Variants in ABI3BP observed in about 807,000 individuals in gnomAD.
ABI3BP encodes ABI family member 3 binding protein.
ABI3BP carries 216 observed loss-of-function variants against 268.6 expected under a neutral mutation model. That is an observed-to-expected ratio of 0.80 (90% confidence interval 0.72 to 0.90). The LOEUF is 0.90. Among genes scored for constraint, ABI3BP ranks in the 40% least tolerant of loss-of-function variants. The pLI is 0.00. For synonymous variants in ABI3BP, 730 were observed against 730.0 expected, an observed-to-expected ratio of 1.00 and a Z score of 0.00; for missense variants, 2,090 against 2,182.4, an observed-to-expected ratio of 0.96 and a Z score of 0.84.
At position 100,824,431 on chromosome 3, in the gene ABI3BP, C is replaced by G. The variant is rs186664207; in HGVS notation, c.2746+427G>C. 2.6e-5 allele frequency among the ~76,000 whole-genome samples: 4 copies of G among 152,254 alleles called. No individual in the cohort carries two copies. The East Asian group carries it at 7.7e-4, about 29-fold the overall frequency. On this transcript the variant is annotated intron_variant, in intron 36 of 67. Coordinates refer to ENST00000471714, the MANE Select transcript of ABI3BP (RefSeq NM_001375547.2). Reference sequence around the variant, plus strand: ...TTATATTTGTGTCAGGCAAACATATCTTCAACTCCACGCTTTCTGCAGTAA... The same window carrying G: ...TTATATTTGTGTCAGGCAAACATATGTTCAACTCCACGCTTTCTGCAGTAA...
At chr3:100,807,032 C>T (rs2152435636) in intron 50 of ABI3BP, among the ~76,000 whole-genome samples, 1 of 152,026 alleles carries the variant, frequency 6.6e-6, no homozygotes, top group East Asian at 1.9e-4. Flanking sequence ...GCCCAAGTCT[C>T]TTAATTTTTA....
chr3:100,922,553 T>TGGTGATGGC (rs1561687065), intron 2 of ABI3BP, among the ~76,000 whole-genome samples: 1 of 146,074 alleles, frequency 6.8e-6, no homozygotes, highest in East Asian at 2.0e-4. Flanking sequence ...ATGGTGATGG[T>TGGTGATGGC]GATGGCGATG....
chr3:100,972,068 C>A (rs943398337), intron 1 of ABI3BP, among the ~76,000 whole-genome samples: 5 of 152,106 alleles, frequency 3.3e-5, no homozygotes, highest in African/African-American at 1.2e-4. Context: ...GAACACATAT[C>A]TGCCACCTGG....
chr3:100,860,401 A>G (rs566550808), intron 14 of ABI3BP, among the ~76,000 whole-genome samples: 6 of 152,314 alleles, frequency 3.9e-5, no homozygotes, highest in African/African-American at 1.2e-4. Flanking sequence ...CTGGCGACCT[A>G]AGGTTGCCCT....
chr3:100,783,315 T>G (rs1458792667), intron 57 of ABI3BP, among the ~76,000 whole-genome samples: 2 of 152,154 alleles, frequency 1.3e-5, no homozygotes, highest in Admixed American at 1.3e-4. Context: ...AGCACACTCA[T>G]GTGGGGGCAG....
intron 46 of ABI3BP, among the ~76,000 whole-genome samples, chr3:100,812,098 G>A (rs1043638811): frequency 2.7e-5 from 4 of 149,680 alleles, no homozygotes; most frequent in African/African-American, 9.8e-5. Context: ...TTTTTTTTTC[G>A]TATAAGAATT....
intron 1 of ABI3BP, among the ~76,000 whole-genome samples, chr3:100,932,756 A>G (rs1051248626): frequency 1.3e-5 from 2 of 152,184 alleles, no homozygotes; most frequent in Admixed American, 6.6e-5. Context: ...GTGGGAATGT[A>G]AATTAGTTCA....
chr3:100,912,114 G>A, intron 2 of ABI3BP: 1 of 574,732 alleles, frequency 1.7e-6, no homozygotes, highest in Non-Finnish European at 3.2e-6. Flanking sequence ...CCCAGACAGT[G>A]CTGGGGTTGT....
intron 61 of ABI3BP, among the ~76,000 whole-genome samples, chr3:100,772,452 A>G (rs2096573578): frequency 6.6e-6 from 1 of 152,230 alleles, no homozygotes; most frequent in Non-Finnish European, 1.5e-5. Flanking sequence ...TATGACAATA[A>G]TAGTCCAAAG....
chr3:100,818,573 T>C lies in ABI3BP; in HGVS notation c.3040A>G (p.Thr1014Ala). 2 of 1,534,918 alleles carry C rather than the reference T, an allele frequency of 1.3e-6. No individual in the cohort carries two copies. The highest frequency in any genetic ancestry group is 1.7e-4 in the Middle Eastern group (1 of 5,980). Residue 1014 changes from threonine to alanine, a missense_variant, in exon 41 of 68, where the codon ACA (threonine) becomes GCA (alanine). Thr to Ala is a moderately conservative substitution (Grantham distance 58, BLOSUM62 0). Transcript: ENST00000471714. ...CTGAGAGTACCAGGTTCAAGATCTGTAGAAGGAACTAATTAAAAGCAATGA... is the reference window on the plus strand; with the variant it reads ...CTGAGAGTACCAGGTTCAAGATCTGCAGAAGGAACTAATTAAAAGCAATGA... ...EVPQTKLVPSTDLEPGTLRTE... is the reference protein window; with the variant it reads ...EVPQTKLVPSADLEPGTLRTE...
chr3:100,899,219 G>A (rs989883220), intron 3 of ABI3BP, among the ~76,000 whole-genome samples: 4 of 152,088 alleles, frequency 2.6e-5, no homozygotes, highest in Admixed American at 2.0e-4. Context: ...AGGATATGGA[G>A]GTCTTAGCTG....
chr3:100,750,607 T>A lies in ABI3BP; in HGVS notation c.5249A>T (p.Tyr1750Phe), dbSNP rs558120255. The A allele has an allele frequency of 5.0e-6, 8 of 1,608,510 alleles. No homozygotes were observed. In the South Asian group the frequency reaches 7.7e-5, roughly 16 times the overall value. Residue 1750 changes from tyrosine (Y) to phenylalanine (F), a missense_variant, in exon 68 of 68, where the codon TAT becomes TTT. Physicochemically the swap from Tyr to Phe is conservative, Grantham distance 22. Coordinates refer to ENST00000471714, the MANE Select transcript of ABI3BP (RefSeq NM_001375547.2). Reference sequence around the variant, plus strand: ...AGGTTCCTGGCGAACTGCTCTGAAATAACCTGAGAGAGAAAATAGTTTCAT... The same window carrying A: ...AGGTTCCTGGCGAACTGCTCTGAAAAAACCTGAGAGAGAAAATAGTTTCAT... ...TSDQLPIKEG[Y>F]FRAVRQEPVQ...
chr3:100,770,931 T>G lies in ABI3BP; in HGVS notation c.4553A>C (p.Gln1518Pro), dbSNP rs934746790. 6.3e-7 allele frequency: 1 copy of G among 1,590,642 alleles called. No individual in the cohort carries two copies. Among genetic ancestry groups the G allele is most frequent in the African/African-American group, 1.3e-5 (1 of 74,206 alleles). Residue 1518 changes from glutamine (Q) to proline (P), a missense_variant, in exon 62 of 68, where the codon CAA becomes CCA. Physicochemically the swap from Gln to Pro is moderately conservative, Grantham distance 76. Transcript: ENST00000471714. ...GGAGCAGGGACTGTTGTCAGGCTTT[T>G]GGATGTATCGCACATGAGGTCCTAC... Reference protein sequence around the residue: ...RFKGPHVRYIQKPDNSPCSIT... With the variant: ...RFKGPHVRYIPKPDNSPCSIT...
intron 1 of ABI3BP, among the ~76,000 whole-genome samples, chr3:100,933,898 A>G (rs1184259061): frequency 6.6e-6 from 1 of 151,960 alleles, no homozygotes; most frequent in East Asian, 1.9e-4. Flanking sequence ...CTCTGCCATC[A>G]TAGCACATAA....
rs1166824684 is a variant in ABI3BP at position 100,822,805 on chromosome 3, T to C, written c.2804-133A>G. 4 of 654,068 alleles carry C rather than the reference T, an allele frequency of 6.1e-6. No individual in the cohort carries two copies. In the African/African-American group the frequency reaches 7.2e-5, roughly 12 times the overall value. 40.5% of individuals were successfully genotyped at this position (654,068 alleles called of 1,614,324 possible). A position where few individuals can be genotyped will look rare whatever the true frequency, so the allele number is the denominator to read the frequency against. ...TAGTTCGAGATTTTTGTCACATGCA[T>C]TCCTCCTTATAGATCTTTTATCATA... On this transcript the variant is annotated intron_variant, in intron 37 of 67. Transcript: ENST00000471714.
intron 9 of ABI3BP, among the ~76,000 whole-genome samples, chr3:100,869,719 A>G (rs1463839390): frequency 6.6e-6 from 1 of 152,146 alleles, no homozygotes; most frequent in African/African-American, 2.4e-5. Context: ...GGGTATTTGA[A>G]TGGGGAACTC....
intron 2 of ABI3BP, 122 bp downstream of exon 2, chr3:100,926,180 T>C: frequency 1.0e-6 from 1 of 986,594 alleles, no homozygotes; most frequent in Non-Finnish European, 1.5e-6. Flanking sequence ...CTTGTAATTC[T>C]ACCATTTGAT....
chr3:100,762,481 G>A (rs540704917), intron 63 of ABI3BP, among the ~76,000 whole-genome samples: 8 of 152,152 alleles, frequency 5.3e-5, no homozygotes, highest in Middle Eastern at 3.4e-3. Flanking sequence ...TCTATGAAGC[G>A]TTCTCTCCTA....
At chr3:100,789,568 G>A (rs903301000) in intron 55 of ABI3BP, 52 bp from the exon 56 acceptor site, 92 of 1,528,142 alleles carry the variant, frequency 6.0e-5, no homozygotes, top group Non-Finnish European at 7.8e-5. Flanking sequence ...AAAGCCTCCT[G>A]AATGGAGATT....
Sources: gnomAD v4.1 joint callset for allele counts (sites outside exome capture counted in the v4.1 genomes callset) on GRCh38, gnomAD v4.1.1 for gene constraint, MANE v1.5 for transcripts, NCBI Gene and HGNC (gene_info 2026-07-23, HGNC 2026-07-21) for gene names.